CEP128: variants seen among roughly 807,000 people sequenced by gnomAD.
CEP128 encodes the protein centrosomal protein 128kDa.
CEP128 carries 132 observed loss-of-function variants against 156.7 expected under a neutral mutation model. That is an observed-to-expected ratio of 0.84 (90% CI 0.73 to 0.97). The LOEUF (loss-of-function observed/expected upper bound fraction) is 0.97. CEP128 is among the 50% of genes least tolerant of loss of function. The probability of loss-of-function intolerance (pLI) is 0.00; values close to 1 mark genes in which losing one functional copy is unlikely to be tolerated. For missense variants in CEP128, 1,252 were observed against 1,281.9 expected, an observed-to-expected ratio of 0.98 and a Z score of 0.36; for synonymous variants, 469 against 448.9, an observed-to-expected ratio of 1.04 and a Z score of -0.57.
At chr14:80,631,633 C>T (rs79035073) in intron 19 of CEP128, among the ~76,000 whole-genome samples, 10,235 of 151,944 alleles carry the variant, frequency 0.067, 391 homozygotes, top group African/African-American at 0.079. Context: ...TGTAACTGAC[C>T]GACAAAGCCT....
At chr14:80,818,046 A>G (rs1182153280) in intron 13 of CEP128, among the ~76,000 whole-genome samples, 4 of 152,150 alleles carry the variant, frequency 2.6e-5, no homozygotes, top group African/African-American at 9.7e-5. Flanking sequence ...AATGACTCAG[A>G]TATGTAAAGG....
intron 9 of CEP128, among the ~76,000 whole-genome samples, chr14:80,859,590 G>A (rs949809466): frequency 1.1e-4 from 17 of 151,850 alleles, no homozygotes; most frequent in Admixed American, 6.6e-4. Context: ...AAGAAAATCT[G>A]GCATTCATGT....
intron 13 of CEP128, among the ~76,000 whole-genome samples, chr14:80,802,355 C>T (rs1439600269): frequency 1.3e-5 from 2 of 152,034 alleles, no homozygotes; most frequent in Non-Finnish European, 2.9e-5. Context: ...TACTATGCAG[C>T]CATAAAAAGG....
At chr14:80,944,857 A>AAAAAAAAAAAAAAAAAAAAAAAAC (rs1886297621), upstream of CEP128, among the ~76,000 whole-genome samples, 1 of 81,478 alleles carries the variant, frequency 1.2e-5, no homozygotes, top group African/African-American at 4.2e-5. Flanking sequence ...AAAAAAAAAA[A>AAAAAAAAAAAAAAAAAAAAAAAAC]CAGAAAAAAC....
chr14:80,570,951 T>C (rs952144282), intron 20 of CEP128, among the ~76,000 whole-genome samples: 5 of 152,200 alleles, frequency 3.3e-5, no homozygotes, highest in African/African-American at 1.2e-4. Context: ...TATACATTTT[T>C]ATATTTATTT....
intron 19 of CEP128, among the ~76,000 whole-genome samples, chr14:80,740,642 C>T (rs969160244): frequency 6.6e-6 from 1 of 152,176 alleles, no homozygotes; most frequent in African/African-American, 2.4e-5. Context: ...CATTTGTTCT[C>T]TGCTGCAAAG....
intron 19 of CEP128, among the ~76,000 whole-genome samples, chr14:80,616,954 G>A (rs1217503091): frequency 6.6e-6 from 1 of 152,132 alleles, no homozygotes; most frequent in African/African-American, 2.4e-5. Flanking sequence ...GTGATATTAA[G>A]CAGACCATAA....
chr14:80,894,408 G>A (rs919394896), intron 8 of CEP128, among the ~76,000 whole-genome samples: 2 of 151,890 alleles, frequency 1.3e-5, no homozygotes, highest in African/African-American at 4.8e-5. Context: ...GTGAACTACT[G>A]CAATTAACTA....
intron 15 of CEP128, among the ~76,000 whole-genome samples, chr14:80,782,999 C>A (rs1901208361): frequency 6.6e-6 from 1 of 152,052 alleles, no homozygotes. Context: ...CATCCAAATC[C>A]CATGATATGA....
At position 80,542,956 on chromosome 14, in the gene CEP128, T is replaced by G. The variant is rs554776594; in HGVS notation, c.2881-12070A>C. ...AGGGCTATTTTCTTTTTTAGAGATG[T>G]CCTGTGTTCTCAAAGAGAATGACAA... On this transcript the variant is annotated intron_variant, in intron 21 of 24. Transcript: ENST00000555265. Among the ~76,000 whole-genome samples, 7 of 152,324 alleles carry G rather than the reference T, an allele frequency of 4.6e-5. No individual in the cohort carries two copies. In the South Asian group the frequency reaches 1.4e-3, roughly 32 times the overall value.
In CEP128 at chr14:80,928,436, C is replaced by G. The variant is rs1487845580; in HGVS notation, c.-16+10949G>C. 4.6e-5 allele frequency among the ~76,000 whole-genome samples: 7 copies of G among 152,156 alleles called. No individual in the cohort carries two copies. The East Asian group carries it at 9.6e-4, about 21-fold the overall frequency. Reference sequence around the variant, plus strand: ...ATGAAAAATGTTCTAAAGAGACAGACATTGTAAAGAAAAACAAACCAGAAC... The same window carrying G: ...ATGAAAAATGTTCTAAAGAGACAGAGATTGTAAAGAAAAACAAACCAGAAC... On this transcript the variant is annotated intron_variant, in intron 2 of 24. Transcript: ENST00000555265.
intron 13 of CEP128, among the ~76,000 whole-genome samples, chr14:80,802,496 A>T (rs1172122544): frequency 7.0e-6 from 1 of 143,228 alleles, no homozygotes; most frequent in Non-Finnish European, 1.5e-5. Context: ...TTGAGAACAC[A>T]TGGACACAGA....
intron 17 of CEP128, 113 bp from the exon 18 acceptor site, chr14:80,757,064 A>C (rs1595354989): frequency 1.5e-6 from 1 of 683,746 alleles, no homozygotes; most frequent in Non-Finnish European, 2.4e-6. Flanking sequence ...TTAAGGATTT[A>C]AAAAGAAAAA....
At chr14:80,916,298 G>T in intron 3 of CEP128, 103 bp downstream of exon 3, 1 of 896,402 alleles carries the variant, frequency 1.1e-6, no homozygotes, top group Non-Finnish European at 1.8e-6. Context: ...CATTAGCTTT[G>T]CAGTAATTTG....
intron 19 of CEP128, among the ~76,000 whole-genome samples, chr14:80,688,318 A>C (rs183097700): frequency 6.0e-4 from 92 of 152,310 alleles, no homozygotes; most frequent in African/African-American, 2.1e-3. Flanking sequence ...AGTCTGGTCC[A>C]GAATCCATAC....
intron 19 of CEP128, among the ~76,000 whole-genome samples, chr14:80,642,111 G>C (rs1289731100): frequency 3.6e-5 from 3 of 82,336 alleles, no homozygotes; most frequent in African/African-American, 1.5e-4. Context: ...AGAAGAGAGA[G>C]ACAGCCCTAC....
chr14:80,856,720 CTTTTTTTTTTTTT>C (rs766724436), intron 9 of CEP128, among the ~76,000 whole-genome samples: 23 of 65,158 alleles, frequency 3.5e-4, no homozygotes, highest in Non-Finnish European at 5.1e-4. Context: ...TTTTTCTTTT[CTTTTTTTTTTTTT>C]TTTTTTTTTT....
chr14:80,923,487 T>C (rs1005560856), intron 2 of CEP128, among the ~76,000 whole-genome samples: 1 of 152,224 alleles, frequency 6.6e-6, no homozygotes, highest in Admixed American at 6.5e-5. Flanking sequence ...TCTTTTCCTC[T>C]GAGCCAGTTT....
chr14:80,657,114 C>T (rs1895205175), intron 19 of CEP128, among the ~76,000 whole-genome samples: 1 of 151,902 alleles, frequency 6.6e-6, no homozygotes, highest in Non-Finnish European at 1.5e-5. Context: ...AAAAATTAGC[C>T]ATGCATGGTG....
Sources: gnomAD v4.1 joint callset for allele counts (sites outside exome capture counted in the v4.1 genomes callset) on GRCh38, gnomAD v4.1.1 for gene constraint, MANE v1.5 for transcripts, NCBI Gene and HGNC (gene_info 2026-07-23, HGNC 2026-07-21) for gene names.